Variants in FAM169A observed in about 807,000 individuals in gnomAD.
The protein encoded by FAM169A is family with sequence similarity 169 member A, also known as soluble lamin-associated protein of 75 kDa.
Under a neutral mutation model 75.7 loss-of-function variants are expected in FAM169A, and 24 were observed. The observed-to-expected ratio is 0.32, with a 90% CI of 0.23 to 0.45. The LOEUF (loss-of-function observed/expected upper bound fraction) is 0.45. Among genes scored for constraint, FAM169A ranks in the 20% least tolerant of loss-of-function variants. The pLI, the probability that FAM169A is intolerant of heterozygous loss-of-function variation, is 1.00. For missense variants in FAM169A, 673 were observed against 784.0 expected, an observed-to-expected ratio of 0.86 and a Z score of 1.69; for synonymous variants, 271 against 271.0, an observed-to-expected ratio of 1.00 and a Z score of 0.00.
chr5:74,850,060 G>T (rs751558551), intron 1 of FAM169A, among the ~76,000 whole-genome samples: 1 of 152,178 alleles, frequency 6.6e-6, no homozygotes, highest in South Asian at 2.1e-4. Flanking sequence ...CCACTAATCC[G>T]ATAGTGGACT....
chr5:74,793,727 A>G (rs561015691), intron 11 of FAM169A, among the ~76,000 whole-genome samples: 2 of 152,204 alleles, frequency 1.3e-5, no homozygotes, highest in South Asian at 4.1e-4. Context: ...AAATAGGCTG[A>G]GCACAGTGGC....
At chr5:74,831,871 C>A (rs1748328638) in intron 5 of FAM169A, among the ~76,000 whole-genome samples, 1 of 152,110 alleles carries the variant, frequency 6.6e-6, no homozygotes, top group South Asian at 2.1e-4. Context: ...ACGGACAGAT[C>A]TCAAGAATTA....
chr5:74,806,914 C>T (rs1580105792), intron 6 of FAM169A, among the ~76,000 whole-genome samples: 1 of 152,052 alleles, frequency 6.6e-6, no homozygotes, highest in African/African-American at 2.4e-5. Context: ...AGATGATAAA[C>T]CTCACTAGCT....
intron 4 of FAM169A, among the ~76,000 whole-genome samples, chr5:74,838,175 T>C (rs1331173970): frequency 6.6e-6 from 1 of 151,664 alleles, no homozygotes; most frequent in Non-Finnish European, 1.5e-5. Flanking sequence ...CTTTTAGGAT[T>C]AACAAGACAC....
chr5:74,841,700 C>T (rs764058849), intron 1 of FAM169A, 21 bp from the exon 2 acceptor site: 8 of 1,590,922 alleles, frequency 5.0e-6, no homozygotes, highest in Non-Finnish European at 6.9e-6. Flanking sequence ...CAACATGGAA[C>T]AAACAATTCA....
intron 4 of FAM169A, among the ~76,000 whole-genome samples, chr5:74,838,763 C>A (rs1748699410): frequency 6.6e-6 from 1 of 152,228 alleles, no homozygotes; most frequent in African/African-American, 2.4e-5. Context: ...TTCTTCCTCA[C>A]CCAATCTCAG....
Position 74,785,689 on chromosome 5 carries a change from G to A in FAM169A, c.1261-2555C>T, listed in dbSNP as rs184582403. The stretch of plus-strand genomic sequence containing the variant: ...AAGCATGAGAATCGCTTAAACTCAG[G>A]AGGTGGAGGTTGTAGTGAGCTGAGT... On this transcript the variant is annotated intron_variant, in intron 11 of 12. Transcript: ENST00000687041. Among the ~76,000 whole-genome samples, 257 of 152,302 alleles carry A rather than the reference G, an allele frequency of 1.7e-3. No homozygotes were observed. The Middle Eastern group carries it at 0.034, about 20-fold the overall frequency.
At chr5:74,842,962 A>C (rs1748961606) in intron 1 of FAM169A, among the ~76,000 whole-genome samples, 1 of 152,140 alleles carries the variant, frequency 6.6e-6, no homozygotes, top group South Asian at 2.1e-4. Flanking sequence ...CCATGAAAAA[A>C]CTATTCCAAG....
chr5:74,866,571 G>GC (rs1750361057), upstream of FAM169A: 1 of 520,852 alleles, frequency 1.9e-6, no homozygotes, highest in African/African-American at 2.1e-5. Context: ...GCGTCACGCG[G>GC]CCCCCGCCTC....
intron 11 of FAM169A, among the ~76,000 whole-genome samples, chr5:74,794,986 G>A (rs554217255): frequency 2.0e-5 from 3 of 151,912 alleles, no homozygotes; most frequent in Non-Finnish European, 4.4e-5. Flanking sequence ...AGCTGGGCAC[G>A]GTGGCTCACG....
At chr5:74,834,364 T>C in intron 5 of FAM169A, 62 bp downstream of exon 5, 2 of 985,000 alleles carry the variant, frequency 2.0e-6, no homozygotes, top group South Asian at 3.3e-5. Context: ...ATTGATACAG[T>C]TGGAGGGGTC....
intron 1 of FAM169A, chr5:74,848,677 A>T (rs1255660564): frequency 6.6e-6 from 1 of 152,170 alleles, no homozygotes; most frequent in Non-Finnish European, 1.5e-5. Context: ...ATGCAACTGG[A>T]CAGGATAATC....
intron 11 of FAM169A, among the ~76,000 whole-genome samples, chr5:74,794,149 A>T (rs910453441): frequency 6.7e-6 from 1 of 149,686 alleles, no homozygotes; most frequent in African/African-American, 2.5e-5. Context: ...CCTGGCAAAC[A>T]TGATGAAACC....
intron 1 of FAM169A, among the ~76,000 whole-genome samples, chr5:74,855,448 T>G (rs185506512): frequency 2.2e-4 from 34 of 152,314 alleles, no homozygotes; most frequent in Non-Finnish European, 3.2e-4. Context: ...TCTGCCCACC[T>G]TGGCCACCCA....
Position 74,781,750 on chromosome 5 carries a change from C to A in FAM169A, c.1723G>T (p.Gly575Trp), listed in dbSNP as rs749480569. Residue 575 changes from glycine (G) to tryptophan (W), a missense_variant, in exon 13 of 13, where the codon GGG becomes TGG. By Grantham distance (184) the Gly-to-Trp change is radical. Around this residue, in one of 3 missense-constraint regions of FAM169A, gnomAD observed 510 missense variants for 550.9 expected, o/e 0.93. Transcript: ENST00000687041. ...GATGTTTCCTGGGGCTCAGATACCC[C>A]CTCCTCACCCTGGTCTTCCAATGAG... The part of the protein sequence containing the change: ...TSSLEDQGEE[G>W]VSEPQETSTA... 6.2e-7 allele frequency: 1 copy of A among 1,614,062 alleles called. No individual in the cohort carries two copies. Among genetic ancestry groups the A allele is most frequent in the South Asian group, 1.1e-5 (1 of 91,074 alleles).
chr5:74,796,884 G>C (rs1366762806), intron 10 of FAM169A, among the ~76,000 whole-genome samples: 1 of 151,972 alleles, frequency 6.6e-6, no homozygotes, highest in African/African-American at 2.4e-5. Flanking sequence ...TGTCACCTTG[G>C]ACAACACATT....
chr5:74,800,145 T>C (rs1271986956), intron 10 of FAM169A: 2 of 473,398 alleles, frequency 4.2e-6, no homozygotes, highest in East Asian at 9.0e-5. Context: ...CGTGGCACGA[T>C]GGCTAGGAAG....
chr5:74,783,396 C>G (rs923351877), intron 11 of FAM169A, among the ~76,000 whole-genome samples: 28 of 152,198 alleles, frequency 1.8e-4, no homozygotes, highest in Non-Finnish European at 2.9e-5. Context: ...GCTCTGTGGA[C>G]ACACAGTATG....
chr5:74,835,484 C>T (rs1357320051), intron 4 of FAM169A, among the ~76,000 whole-genome samples: 1 of 151,738 alleles, frequency 6.6e-6, no homozygotes, highest in Admixed American at 6.6e-5. Flanking sequence ...CACCTGTAGT[C>T]CCAGCTATTC....
Sources: gnomAD v4.1 joint callset for allele counts (sites outside exome capture counted in the v4.1 genomes callset) on GRCh38, gnomAD v4.1.1 for gene constraint, gnomAD v4.1.1 regional missense constraint, MANE v1.5 for transcripts, NCBI Gene and HGNC (gene_info 2026-07-23, HGNC 2026-07-21) for gene names.